The following FCRL5 variants were observed in gnomAD, a reference collection of about 807,000 sequenced individuals.
FCRL5 encodes Fc receptor like 5, also known as Fc receptor-like protein 5.
FCRL5 carries 79 observed loss-of-function variants against 92.1 expected under a neutral mutation model. The ratio of observed to expected loss-of-function variants is 0.86; its 90% CI spans 0.72 to 1.03. The LOEUF is 1.03. Among genes scored for constraint, FCRL5 ranks in the 50% least tolerant of loss-of-function variants. The pLI is 0.00. For missense variants in FCRL5, 1,160 were observed against 1,181.1 expected (o/e 0.98, Z 0.26); for synonymous variants, 466 against 469.3 (o/e 0.99, Z 0.09).
intron 15 of FCRL5, 57 bp downstream of exon 15, chr1:157,518,372 T>G: frequency 1.0e-5 from 15 of 1,460,246 alleles, no homozygotes; most frequent in Non-Finnish European, 1.4e-5. Flanking sequence ...GGGTAGAAAC[T>G]GAGCTATACT....
chr1:157,535,071 C>A (rs1650906135), intron 7 of FCRL5, among the ~76,000 whole-genome samples, 179 bp from the exon 8 acceptor site: 1 of 152,214 alleles, frequency 6.6e-6, no homozygotes, highest in Non-Finnish European at 1.5e-5. Flanking sequence ...CTTTCCCTAT[C>A]TGTTCATCTT....
intron 15 of FCRL5, among the ~76,000 whole-genome samples, chr1:157,517,188 G>A (rs1366997991): frequency 1.3e-5 from 2 of 152,200 alleles, no homozygotes; most frequent in African/African-American, 4.8e-5. Context: ...GACTGTGAGT[G>A]AGGGTTGATG....
intron 8 of FCRL5, among the ~76,000 whole-genome samples, chr1:157,531,629 T>C (rs1043810405): frequency 1.2e-4 from 18 of 152,152 alleles, no homozygotes; most frequent in Non-Finnish European, 2.6e-4. Flanking sequence ...AATGGAATAG[T>C]ATTCAGCCAT....
Position 157,515,889 on chromosome 1 carries a change from A to G in FCRL5, c.2813-16T>C. On this transcript the variant is annotated splice_polypyrimidine_tract_variant and intron_variant, in intron 15 of 16. Transcript: ENST00000361835. ...TCAGAGGCCACTGTGGAAAGAGGAA[A>G]GTGTTCAGTTGTGGAAGACTGGCAT... 4 of 1,613,358 alleles carry G rather than the reference A, an allele frequency of 2.5e-6. No individual in the cohort carries two copies.
At chr1:157,538,302 G>A (rs1651069654) in intron 7 of FCRL5, among the ~76,000 whole-genome samples, 1 of 152,150 alleles carries the variant, frequency 6.6e-6, no homozygotes, top group South Asian at 2.1e-4. Context: ...TTACAGGAAA[G>A]GAAACTGAGG....
chr1:157,520,294 G>A (rs547909338), intron 12 of FCRL5, 137 bp downstream of exon 12: 11 of 648,954 alleles, frequency 1.7e-5, no homozygotes, highest in Admixed American at 5.8e-5. Flanking sequence ...AGGACCCAGC[G>A]GGAAAGGAAG....
At position 157,521,189 on chromosome 1, in the gene FCRL5, CA is replaced by C. The variant is rs1306080970; in HGVS notation, c.2342del (p.Leu781ArgfsTer13). The C allele has an allele frequency of 6.2e-7, 1 of 1,614,130 alleles. No individual in the cohort carries two copies. The highest frequency in any genetic ancestry group is 8.5e-7 in the Non-Finnish European group (1 of 1,180,000). ...CCTCATGAAAAAACCGGTACAGGAT[CA>C]GGGGAGAGCCTCTCAGGGCCTCACA... Reference protein sequence around the residue: ...LHCEALRGSPLILYRFFHEDV... With the variant: ...LHCEALRGSPXILYRFFHEDV... On this transcript the variant is annotated frameshift_variant, in exon 11 of 17. Coordinates refer to ENST00000361835, the MANE Select transcript of FCRL5 (RefSeq NM_031281.3). LOFTEE classifies it high-confidence loss of function.
rs193066446 is a variant in FCRL5, at chr1:157,529,952, A to G, written c.1682-2057T>C. On this transcript the variant is annotated intron_variant, in intron 8 of 16. Coordinates refer to ENST00000361835, the MANE Select transcript of FCRL5 (RefSeq NM_031281.3). ...GTAACCAAACACCACCTGGTCCCCA[A>G]AACTACTGAAATTTTTTTAAAAATG... 5.4e-3 allele frequency among the ~76,000 whole-genome samples: 827 copies of G among 152,330 alleles called. 8 individuals are homozygous for G. Among genetic ancestry groups the G allele is most frequent in the African/African-American group, 0.018 (765 of 41,558 alleles).
chr1:157,531,260 C>T (rs943123329), intron 8 of FCRL5, among the ~76,000 whole-genome samples: 25 of 152,114 alleles, frequency 1.6e-4, no homozygotes, highest in Admixed American at 5.2e-4. Context: ...ACAATTAAAA[C>T]GCCAATGAAG....
intron 15 of FCRL5, among the ~76,000 whole-genome samples, chr1:157,517,251 C>A (rs1237542819): frequency 6.6e-6 from 1 of 152,168 alleles, no homozygotes; most frequent in Non-Finnish European, 1.5e-5. Context: ...CAACCCTCTG[C>A]AGTTTCGACA....
At chr1:157,521,479 T>A (rs900810065) in intron 10 of FCRL5, 187 bp from the exon 11 acceptor site, 2 of 609,738 alleles carry the variant, frequency 3.3e-6, no homozygotes, top group African/African-American at 3.7e-5. Context: ...AATAGAAAAC[T>A]GTAAAAAGTG....
chr1:157,544,168 T>C (rs1651408454), intron 5 of FCRL5, 94 bp downstream of exon 5: 1 of 1,373,056 alleles, frequency 7.3e-7, no homozygotes, highest in Non-Finnish European at 1.0e-6. Context: ...GTACGAGTTT[T>C]TTCTACAGAG....
rs1035395794 is a variant in FCRL5, at chr1:157,529,937, A to T, written c.1682-2042T>A. Among the ~76,000 whole-genome samples, 13 of 152,342 alleles carry T rather than the reference A, an allele frequency of 8.5e-5. No homozygotes were observed. The East Asian group carries it at 2.5e-3, about 29-fold the overall frequency. ...AAAGAAGTTACTCATGTAACCAAAC[A>T]CCACCTGGTCCCCAAAACTACTGAA... is the stretch of plus-strand genomic sequence containing the variant. On this transcript the variant is annotated intron_variant, in intron 8 of 16. Coordinates refer to ENST00000361835, the MANE Select transcript of FCRL5 (RefSeq NM_031281.3).
Position 157,515,886 on chromosome 1 carries a change from G to GA in FCRL5, c.2813-14dup, listed in dbSNP as rs758345255. ...GGGTCAGAGGCCACTGTGGAAAGAG[G>GA]AAAGTGTTCAGTTGTGGAAGACTGG... On this transcript the variant is annotated splice_polypyrimidine_tract_variant and intron_variant, in intron 15 of 16. Transcript: ENST00000361835. 4 of 1,613,364 alleles carry GA rather than the reference G, an allele frequency of 2.5e-6. No homozygotes were observed. In the African/African-American group the frequency reaches 5.3e-5, roughly 22 times the overall value.
intron 15 of FCRL5, among the ~76,000 whole-genome samples, chr1:157,516,911 G>A (rs377383085): frequency 5.3e-5 from 8 of 152,190 alleles, no homozygotes; most frequent in Admixed American, 1.3e-4. Flanking sequence ...TAGTAACAGC[G>A]CATACCTCAA....
chr1:157,528,849 A>G (rs1450285379), intron 8 of FCRL5, among the ~76,000 whole-genome samples: 1 of 152,226 alleles, frequency 6.6e-6, no homozygotes, highest in Non-Finnish European at 1.5e-5. Context: ...ACCTAAAACC[A>G]TATAAACCCT....
At chr1:157,518,985 G>T (rs895270972) in intron 13 of FCRL5, 20 of 464,992 alleles carry the variant, frequency 4.3e-5, no homozygotes, top group Non-Finnish European at 7.2e-5. Context: ...CATCTAGTGT[G>T]TAACAGGCAT....
chr1:157,517,757 C>A (rs1649993788), intron 15 of FCRL5, among the ~76,000 whole-genome samples: 1 of 152,116 alleles, frequency 6.6e-6, no homozygotes, highest in Non-Finnish European at 1.5e-5. Flanking sequence ...GTCACAGCAG[C>A]AATCAGAAAC....
At chr1:157,545,887 T>C (rs1247527513) in intron 3 of FCRL5, among the ~76,000 whole-genome samples, 2 of 152,202 alleles carry the variant, frequency 1.3e-5, no homozygotes, top group African/African-American at 4.8e-5. Flanking sequence ...ACATCTGTGA[T>C]TGTTTCAGTA....
Sources: allele counts gnomAD v4.1 joint callset (sites outside exome capture counted in the v4.1 genomes callset), GRCh38; gene constraint gnomAD v4.1.1; transcripts MANE v1.5; gene names NCBI Gene and HGNC (gene_info 2026-07-23, HGNC 2026-07-21).